TRPM3: variants seen among roughly 807,000 people sequenced by gnomAD.
TRPM3 encodes the protein long transient receptor potential channel 3.
Under a neutral mutation model 181.2 loss-of-function variants are expected in TRPM3, and 77 were observed. The ratio of observed to expected loss-of-function variants is 0.42; its 90% CI spans 0.35 to 0.51. The LOEUF (loss-of-function observed/expected upper bound fraction) is 0.51. Among genes scored for constraint, TRPM3 ranks in the 20% least tolerant of loss-of-function variants. The pLI, the probability that TRPM3 is intolerant of heterozygous loss-of-function variation, is 0.01. For missense variants in TRPM3, 1,759 were observed against 2,196.7 expected, an observed-to-expected ratio of 0.80 and a Z score of 3.98; for synonymous variants, 745 against 796.4, an observed-to-expected ratio of 0.94 and a Z score of 1.09.
intron 3 of TRPM3, among the ~76,000 whole-genome samples, chr9:70,856,035 T>C (rs970969166): frequency 2.0e-5 from 3 of 152,176 alleles, no homozygotes; most frequent in African/African-American, 4.8e-5. Flanking sequence ...AGGGGATGGA[T>C]GCTGACAAGC....
Position 70,529,707 on chromosome 9 carries a change from T to C in TRPM3, c.*6246A>G, listed in dbSNP as rs1185069549. On this transcript the variant is annotated 3_prime_UTR_variant, in exon 26 of 26. Transcript: ENST00000677713. Reference sequence around the variant, plus strand: ...TCTTTTCCCCCCTCTCGGTTCTCAGTGTATTTTGTGTGTACACTCACCAAG... The same window carrying C: ...TCTTTTCCCCCCTCTCGGTTCTCAGCGTATTTTGTGTGTACACTCACCAAG... 6.6e-6 allele frequency: 1 copy of C among 152,138 alleles called. No homozygotes were observed. Among genetic ancestry groups the C allele is most frequent in the Non-Finnish European group, 1.5e-5 (1 of 68,034 alleles). 9.4% of individuals were successfully genotyped at this position (152,138 alleles called of 1,614,324 possible).
At chr9:71,309,781 C>T (rs910432963) in intron 1 of TRPM3, among the ~76,000 whole-genome samples, 1 of 152,030 alleles carries the variant, frequency 6.6e-6, no homozygotes, top group Non-Finnish European at 1.5e-5. Context: ...ACATTCATTT[C>T]AACTAAAATG....
chr9:71,180,649 G>A (rs540906024), intron 1 of TRPM3, among the ~76,000 whole-genome samples: 1 of 152,232 alleles, frequency 6.6e-6, no homozygotes, highest in Admixed American at 6.5e-5. Context: ...GTGAGGATGT[G>A]CAGATCCACC....
chr9:71,113,387 GA>G (rs1267181112), intron 1 of TRPM3, among the ~76,000 whole-genome samples: 5 of 152,286 alleles, frequency 3.3e-5, no homozygotes, highest in African/African-American at 1.2e-4. Context: ...GTGAATGGGT[GA>G]TCCTAGCAGT....
chr9:70,968,023 TC>T (rs1451852910), intron 1 of TRPM3, among the ~76,000 whole-genome samples: 2 of 152,110 alleles, frequency 1.3e-5, no homozygotes, highest in Admixed American at 1.3e-4. Context: ...GCCATCCAAG[TC>T]CTGGGTCCTT....
intron 1 of TRPM3, among the ~76,000 whole-genome samples, chr9:71,211,888 G>A (rs1183328739): frequency 1.3e-5 from 2 of 152,060 alleles, no homozygotes; most frequent in Non-Finnish European, 2.9e-5. Flanking sequence ...ACTTCTTTTT[G>A]GGAGACACAC....
intron 6 of TRPM3, among the ~76,000 whole-genome samples, chr9:70,810,687 A>T (rs2091864188): frequency 6.6e-6 from 1 of 152,156 alleles, no homozygotes; most frequent in Non-Finnish European, 1.5e-5. Flanking sequence ...TTTTTAAAAA[A>T]ATGAGATAAT....
intron 1 of TRPM3, among the ~76,000 whole-genome samples, chr9:70,994,383 C>A (rs1395359900): frequency 6.6e-6 from 1 of 152,152 alleles, no homozygotes. Context: ...ACTCCAAAGC[C>A]TATGATCTTT....
At chr9:70,543,531 T>C (rs749385137) in intron 25 of TRPM3, among the ~76,000 whole-genome samples, 9 of 152,170 alleles carry the variant, frequency 5.9e-5, no homozygotes, top group Non-Finnish European at 1.3e-4. Flanking sequence ...ATCCTTCTAC[T>C]CTTTATGTCC....
chr9:71,211,272 A>C (rs2079480703), intron 1 of TRPM3, among the ~76,000 whole-genome samples: 1 of 152,042 alleles, frequency 6.6e-6, no homozygotes, highest in Non-Finnish European at 1.5e-5. Flanking sequence ...AGGTTCACTG[A>C]TGTTCTGCTT....
chr9:71,415,886 T>C (rs12348784), intron 1 of TRPM3, among the ~76,000 whole-genome samples: 3,703 of 152,034 alleles, frequency 0.024, 88 homozygotes, highest in African/African-American at 0.059. Context: ...GAGAAGATTA[T>C]TTCCAAAAAC....
At chr9:71,230,383 GAAT>G (rs1283177857) in intron 1 of TRPM3, among the ~76,000 whole-genome samples, 2 of 151,824 alleles carry the variant, frequency 1.3e-5, no homozygotes, top group Non-Finnish European at 2.9e-5. Flanking sequence ...TAGAAAATAT[GAAT>G]AAGATCTAGT....
intron 7 of TRPM3, 45 bp from the exon 8 acceptor site, chr9:70,761,769 T>C (rs2078193212): frequency 1.9e-6 from 3 of 1,572,922 alleles, no homozygotes; most frequent in Non-Finnish European, 2.6e-6. Context: ...CAACTCCTAT[T>C]CAGCAAGTAT....
At chr9:70,965,500 G>T (rs2097176265) in intron 1 of TRPM3, among the ~76,000 whole-genome samples, 1 of 151,970 alleles carries the variant, frequency 6.6e-6, no homozygotes, top group Non-Finnish European at 1.5e-5. Context: ...TTAAAAAGAA[G>T]ACATCAAAAA....
In TRPM3 at chr9:71,348,929, T is replaced by C. The variant is rs191149526; in HGVS notation, c.183+97724A>G. On this transcript the variant is annotated intron_variant, in intron 1 of 24. Transcript: ENST00000357533. ...AGTTAGTTATTCCTAGAATGGCCAC[T>C]GATCTGTTTTGTGAAATTTCCTGAA... Among the ~76,000 whole-genome samples the C allele has an allele frequency of 1.4e-3, 212 of 152,346 alleles. 2 individuals are homozygous for C. The highest frequency in any genetic ancestry group is 0.01 in the Middle Eastern group (3 of 294).
chr9:71,144,159 G>A (rs1169146294), intron 1 of TRPM3, among the ~76,000 whole-genome samples: 3 of 152,072 alleles, frequency 2.0e-5, no homozygotes, highest in African/African-American at 7.2e-5. Context: ...CTATGGATAA[G>A]AAAAAATAAG....
At chr9:71,282,524 C>A (rs17056652) in intron 1 of TRPM3, among the ~76,000 whole-genome samples, 1 of 151,996 alleles carries the variant, frequency 6.6e-6, no homozygotes, top group Non-Finnish European at 1.5e-5. Context: ...TATGCCAAAG[C>A]ACTACAAAGT....
chr9:70,804,231 G>A lies in TRPM3; in HGVS notation c.974-19952C>T, dbSNP rs1390732263. On this transcript the variant is annotated intron_variant, in intron 6 of 25. Coordinates refer to ENST00000677713, the MANE Select transcript of TRPM3 (RefSeq NM_001366145.2). The stretch of plus-strand genomic sequence containing the variant: ...TGTAACCCCAGCTACTTGGGAGGCT[G>A]AGGCAGGAGAATCCCTTGAACTCAG... 2.6e-5 allele frequency among the ~76,000 whole-genome samples: 4 copies of A among 152,164 alleles called. No homozygotes were observed. The South Asian group carries it at 6.2e-4, about 24-fold the overall frequency.
At chr9:70,549,325 G>A (rs1232646278) in intron 25 of TRPM3, among the ~76,000 whole-genome samples, 2 of 152,310 alleles carry the variant, frequency 1.3e-5, no homozygotes, top group South Asian at 2.1e-4. Flanking sequence ...GAGGACAGCT[G>A]CTACTGCCTG....
Sources: allele counts gnomAD v4.1 joint callset (sites outside exome capture counted in the v4.1 genomes callset), GRCh38; gene constraint gnomAD v4.1.1; transcripts MANE v1.5; gene names NCBI Gene and HGNC (gene_info 2026-07-23, HGNC 2026-07-21).